JAKMIP3: variants seen among roughly 807,000 people sequenced by gnomAD.
The protein encoded by JAKMIP3 is Janus kinase and microtubule interacting protein 3, also known as janus kinase and microtubule-interacting protein 3.
Under a neutral mutation model 118.5 loss-of-function variants are expected in JAKMIP3, and 58 were observed. The ratio of observed to expected loss-of-function variants is 0.49; its 90% CI spans 0.40 to 0.61. The LOEUF is 0.61. JAKMIP3 is among the 20% of genes least tolerant of loss of function. The probability of loss-of-function intolerance (pLI) is 0.00; values close to 1 mark genes in which losing one functional copy is unlikely to be tolerated. For synonymous variants in JAKMIP3, 486 were observed against 451.2 expected (o/e 1.08, Z -0.98); for missense variants, 950 against 1,109.0 (o/e 0.86, Z 2.04).
chr10:132,076,375 C>T (rs147515187), intron 1 of JAKMIP3, among the ~76,000 whole-genome samples: 7 of 152,376 alleles, frequency 4.6e-5, no homozygotes, highest in Non-Finnish European at 5.9e-5. Context: ...TATCCTATCA[C>T]GTGGATAGAC....
chr10:132,164,858 C>T lies in JAKMIP3; in HGVS notation c.2490+123C>T, dbSNP rs143544085. On this transcript the variant is annotated intron_variant, in intron 21 of 23. Coordinates refer to ENST00000684848, the MANE Select transcript of JAKMIP3 (RefSeq NM_001323087.2). Reference sequence around the variant, plus strand: ...CAGCAGACTTCGCTCCCAACAGCAGCGGGAAGCGGCCGCCTGGAGGCCTGA... The same window carrying T: ...CAGCAGACTTCGCTCCCAACAGCAGTGGGAAGCGGCCGCCTGGAGGCCTGA... 5.3e-4 allele frequency: 367 copies of T among 686,602 alleles called. 1 individual carries two copies. The highest frequency in any genetic ancestry group is 3.8e-3 in the East Asian group (145 of 37,878). 42.5% of individuals were successfully genotyped at this position (686,602 alleles called of 1,614,324 possible). A position where few individuals can be genotyped will look rare whatever the true frequency, so the allele number is the denominator to read the frequency against.
At chr10:132,070,272 C>T (rs573172978) in intron 1 of JAKMIP3, among the ~76,000 whole-genome samples, 4 of 152,200 alleles carry the variant, frequency 2.6e-5, no homozygotes, top group East Asian at 1.9e-4. Flanking sequence ...CTCAGCCTCC[C>T]GAGTAGCTGG....
chr10:132,151,878 G>A (rs1357255322), intron 16 of JAKMIP3, among the ~76,000 whole-genome samples: 3 of 152,270 alleles, frequency 2.0e-5, no homozygotes, highest in Admixed American at 6.5e-5. Flanking sequence ...GACCTGTGGA[G>A]ATGCTGGGGA....
rs1291595046 is a variant in JAKMIP3 at position 132,117,543 on chromosome 10, A to G, written c.602A>G (p.Lys201Arg). Residue 201 changes from lysine (K) to arginine (R), a missense_variant, in exon 3 of 24, where the codon AAG becomes AGG. Physicochemically the swap from Lys to Arg is conservative, Grantham distance 26. Transcript: ENST00000684848. The surrounding 1 kb of genome is among the most constrained non-coding windows in gnomAD (Gnocchi z 8.6). ...CACCAGGAGGAGATCACCCGCATCA[A>G]GAAGGAGTGCGAGCGGGAGATCCGC... is the stretch of plus-strand genomic sequence containing the variant. ...HLHQEEITRI[K>R]KECEREIRRL... 8 of 1,580,106 alleles carry G rather than the reference A, an allele frequency of 5.1e-6. No homozygotes were observed. The highest frequency in any genetic ancestry group is 6.9e-6 in the Non-Finnish European group (8 of 1,162,826).
chr10:132,073,947 A>G (rs2040376518), intron 1 of JAKMIP3, among the ~76,000 whole-genome samples: 1 of 152,260 alleles, frequency 6.6e-6, no homozygotes, highest in Non-Finnish European at 1.5e-5. Flanking sequence ...AGAAATCTCC[A>G]TACGGTTTTC....
intron 1 of JAKMIP3, among the ~76,000 whole-genome samples, chr10:132,082,016 G>C (rs1185492492): frequency 2.0e-5 from 3 of 151,182 alleles, no homozygotes; most frequent in Non-Finnish European, 3.0e-5. Flanking sequence ...TGTCTCTGTG[G>C]GTCGGCTTTA....
chr10:132,144,847 T>G (rs11812582), intron 11 of JAKMIP3: 35,198 of 401,596 alleles, frequency 0.088, 2,870 homozygotes, highest in African/African-American at 0.23. Context: ...GAGGATCACT[T>G]GAGCTCGGGA....
intron 3 of JAKMIP3, among the ~76,000 whole-genome samples, chr10:132,125,236 C>G (rs149002273): frequency 0.01 from 1,579 of 151,852 alleles, 19 homozygotes; most frequent in Middle Eastern, 0.031. Flanking sequence ...CGTCCGAGTT[C>G]GGTTTTTGTG....
intron 1 of JAKMIP3, among the ~76,000 whole-genome samples, chr10:132,045,164 A>G (rs999928702): frequency 1.3e-5 from 2 of 151,928 alleles, no homozygotes; most frequent in Non-Finnish European, 2.9e-5. Context: ...CAGTTTCCCC[A>G]CATCCTCACA....
intron 1 of JAKMIP3, among the ~76,000 whole-genome samples, chr10:132,067,645 C>CTG (rs2039017905): frequency 2.1e-4 from 13 of 62,768 alleles, no homozygotes; most frequent in East Asian, 5.7e-4. Context: ...CGTGTGGACT[C>CTG]TGGGCTTCCG....
chr10:132,092,482 C>T (rs2043224111), intron 1 of JAKMIP3, among the ~76,000 whole-genome samples: 1 of 152,130 alleles, frequency 6.6e-6, no homozygotes, highest in Admixed American at 6.6e-5. Context: ...ACTCTTTTTT[C>T]TCTAAACTTC....
chr10:132,169,646 GC>G (rs1298589028), intron 23 of JAKMIP3, among the ~76,000 whole-genome samples: 1 of 152,164 alleles, frequency 6.6e-6, no homozygotes. Context: ...ATGGGGGGCC[GC>G]CCAGGGAGCG....
intron 14 of JAKMIP3, among the ~76,000 whole-genome samples, chr10:132,149,170 A>G (rs2055310641): frequency 6.6e-6 from 1 of 152,088 alleles, no homozygotes; most frequent in Non-Finnish European, 1.5e-5. Flanking sequence ...ACGTGGCCAG[A>G]GTGTGATGAA....
In JAKMIP3 at chr10:132,145,128, G is replaced by A. The variant is rs184195749; in HGVS notation, c.1624G>A (p.Glu542Lys). The A allele has an allele frequency of 9.3e-6, 15 of 1,612,400 alleles. No homozygotes were observed. Among genetic ancestry groups the A allele is most frequent in the Non-Finnish European group, 1.2e-5 (14 of 1,179,714 alleles). ...EVKTREQLQA[E>K]VQRAQARIED... ...ACAGACCCGTGAGCAGCTACAAGCC[G>A]AAGTGCAGAGGGCACAGGCGCGGAT... is the stretch of plus-strand genomic sequence containing the variant. The change falls in exon 12 of 24, where the codon GAA becomes AAA. Residue 542 changes from glutamate (E) to lysine (K), a missense_variant. By Grantham distance (56) the Glu-to-Lys change is moderately conservative (BLOSUM62 1). Coordinates refer to ENST00000684848, the MANE Select transcript of JAKMIP3 (RefSeq NM_001323087.2).
rs990195700 is a variant in JAKMIP3, at chr10:132,112,122, T to C, written c.136-4955T>C. Among the ~76,000 whole-genome samples the C allele has an allele frequency of 9.9e-5, 15 of 151,878 alleles. No individual in the cohort carries two copies. Among genetic ancestry groups the C allele is most frequent in the Admixed American group, 1.3e-4 (2 of 15,274 alleles). On this transcript the variant is annotated intron_variant, in intron 2 of 23. Transcript: ENST00000684848. The surrounding 1 kb of genome is among the most constrained non-coding windows in gnomAD (Gnocchi z 4.3). The stretch of plus-strand genomic sequence containing the variant: ...CGGGCTGCCCTTTGCTGAGGTGGCA[T>C]CTGGGCGAGGATGATGGGCACTGGG...
intron 1 of JAKMIP3, among the ~76,000 whole-genome samples, chr10:132,071,900 T>TC (rs778935210): frequency 2.4e-5 from 1 of 42,478 alleles, no homozygotes; most frequent in African/African-American, 1.1e-4. Flanking sequence ...TTCCTTTCTT[T>TC]CTTCCCTTCC....
chr10:132,053,870 T>G (rs1329100251), intron 1 of JAKMIP3, among the ~76,000 whole-genome samples: 1 of 151,548 alleles, frequency 6.6e-6, no homozygotes, highest in Non-Finnish European at 1.5e-5. Context: ...CTGTCTCTAC[T>G]AAAAATACAA....
intron 1 of JAKMIP3, among the ~76,000 whole-genome samples, chr10:132,099,344 G>A (rs879816808): frequency 1.3e-5 from 2 of 152,188 alleles, no homozygotes; most frequent in African/African-American, 2.4e-5. Context: ...GACTTTACCA[G>A]AGGTCAACCC....
At chr10:132,174,550 G>C (rs1361735651) in intron 23 of JAKMIP3, among the ~76,000 whole-genome samples, 2 of 152,138 alleles carry the variant, frequency 1.3e-5, no homozygotes, top group Non-Finnish European at 2.9e-5. Flanking sequence ...TTTCCGGTTT[G>C]GGGCAAATGT....
Sources: allele counts gnomAD v4.1 joint callset (sites outside exome capture counted in the v4.1 genomes callset), GRCh38; gene constraint gnomAD v4.1.1; non-coding constraint Gnocchi (gnomAD v3.1); transcripts MANE v1.5; gene names NCBI Gene and HGNC (gene_info 2026-07-23, HGNC 2026-07-21).